The following GRPEL1 variants were observed in gnomAD, a reference collection of about 807,000 sequenced individuals.
GRPEL1 encodes grpE protein homolog 1, mitochondrial.
GRPEL1 carries 13 observed loss-of-function variants against 22.1 expected under a neutral mutation model. The ratio of observed to expected loss-of-function variants is 0.59; its 90% CI spans 0.38 to 0.94. The LOEUF (loss-of-function observed/expected upper bound fraction) is 0.94. Among genes scored for constraint, GRPEL1 ranks in the 40% least tolerant of loss-of-function variants. The probability of loss-of-function intolerance (pLI) is 0.00; values close to 1 mark genes in which losing one functional copy is unlikely to be tolerated. For missense variants in GRPEL1, 289 were observed against 264.6 expected (o/e 1.09, Z -0.64); for synonymous variants, 109 against 105.3 (o/e 1.03, Z -0.21).
intron 3 of GRPEL1, chr4:7,061,452 G>A (rs954966039): frequency 1.1e-5 from 5 of 464,694 alleles, no homozygotes; most frequent in African/African-American, 7.9e-5. Flanking sequence ...TGCAGTAGAG[G>A]GGAAAATACC....
At chr4:7,067,639 A>G in intron 1 of GRPEL1, 1 of 396,542 alleles carries the variant, frequency 2.5e-6, no homozygotes, top group Non-Finnish European at 4.5e-6. Context: ...GAGCGCCGAG[A>G]CCGTGAATGC....
intron 3 of GRPEL1, chr4:7,061,516 A>T (rs1344888567): frequency 3.3e-6 from 1 of 304,086 alleles, no homozygotes; most frequent in Non-Finnish European, 6.2e-6. Context: ...AGGGGACTGG[A>T]ACTCGGAAGA....
intron 1 of GRPEL1, among the ~76,000 whole-genome samples, chr4:7,065,043 A>G (rs954643968): frequency 2.0e-5 from 3 of 152,064 alleles, no homozygotes; most frequent in African/African-American, 7.2e-5. Context: ...AACAGTACTA[A>G]CCTCCTCTTT....
At chr4:7,066,558 A>AT (rs1724174007) in intron 1 of GRPEL1, among the ~76,000 whole-genome samples, 1 of 152,196 alleles carries the variant, frequency 6.6e-6, no homozygotes, top group African/African-American at 2.4e-5. Flanking sequence ...ACCATTTTAT[A>AT]TTTTTACTCT....
Position 7,068,034 on chromosome 4 carries a change from A to ACTGCC in GRPEL1, c.-7_-3dup. 6.2e-7 allele frequency: 1 copy of ACTGCC among 1,612,488 alleles called. No homozygotes were observed. The highest frequency in any genetic ancestry group is 2.2e-5 in the East Asian group (1 of 44,866). On this transcript the variant is annotated 5_prime_UTR_variant, in exon 1 of 4. Transcript: ENST00000264954. ...CAACCTCACGCACTGAGCCGCCATGACTGCCACTGCCCGTCGCAGTCGCCG... is the reference window on the plus strand; with the variant it reads ...CAACCTCACGCACTGAGCCGCCATGACTGCCCTGCCACTGCCCGTCGCAGTCGCCG...
Position 7,059,049 on chromosome 4 carries a change from T to G in GRPEL1, c.*1813A>C, listed in dbSNP as rs1344849516. On this transcript the variant is annotated 3_prime_UTR_variant, in exon 4 of 4. Transcript: ENST00000264954. ...CATATAGCCTAGGTGTGGAGGAGGC[T>G]CCACCACCTGTTTTTTAGGTCCATG... is the stretch of plus-strand genomic sequence containing the variant. 4 of 152,214 alleles carry G rather than the reference T, an allele frequency of 2.6e-5. No individual in the cohort carries two copies. In the East Asian group the frequency reaches 5.8e-4, roughly 22 times the overall value. 9.4% of individuals were successfully genotyped at this position (152,214 alleles called of 1,614,324 possible). A position where few individuals can be genotyped will look rare whatever the true frequency, so the allele number is the denominator to read the frequency against.
In GRPEL1 at chr4:7,060,981, A is replaced by C. The variant is rs749782445; in HGVS notation, c.535T>G (p.Phe179Val). The change falls in exon 4 of 4, where the codon TTC (phenylalanine) becomes GTC (valine). Residue 179 changes from phenylalanine to valine, a missense_variant. By Grantham distance (50) the Phe-to-Val change is conservative. Coordinates refer to ENST00000264954, the MANE Select transcript of GRPEL1 (RefSeq NM_025196.4). ...KFDPYEHEAL[F>V]HTPVEGKEPG... is the part of the protein sequence containing the mutation. ...TCCTTCCCCTCAACCGGTGTGTGGA[A>C]CAAGGCCTCATGTTCATAAGGGTCG... is the stretch of plus-strand genomic sequence containing the variant. The C allele has an allele frequency of 2.5e-6, 4 of 1,614,188 alleles. No homozygotes were observed. The highest frequency in any genetic ancestry group is 3.4e-6 in the Non-Finnish European group (4 of 1,180,030).
At chr4:7,066,543 C>T (rs1577222878) in intron 1 of GRPEL1, among the ~76,000 whole-genome samples, 1 of 152,234 alleles carries the variant, frequency 6.6e-6, no homozygotes, top group South Asian at 2.1e-4. Flanking sequence ...GGGTGGAGAG[C>T]GATGACCATT....
At chr4:7,063,896 A>C (rs1471870526) in intron 2 of GRPEL1, among the ~76,000 whole-genome samples, 165 bp downstream of exon 2, 6 of 152,250 alleles carry the variant, frequency 3.9e-5, no homozygotes, top group Non-Finnish European at 1.5e-5. Context: ...TTTGGGTTTT[A>C]GTCTTTGCTT....
Position 7,066,162 on chromosome 4 carries a change from A to G in GRPEL1, c.62+1809T>C, listed in dbSNP as rs146147831. On this transcript the variant is annotated intron_variant, in intron 1 of 3. Transcript: ENST00000264954. ...ACAGTCCTATCTGAGAATAAGCTAC[A>G]TTCAATTTTCTTCCCAGATTAAAAC... Among the ~76,000 whole-genome samples the G allele has an allele frequency of 3.0e-3, 460 of 152,338 alleles. 2 individuals carry two copies. The highest frequency in any genetic ancestry group is 9.5e-3 in the African/African-American group (395 of 41,570).
At position 7,061,150 on chromosome 4, in the gene GRPEL1, T is replaced by C; in HGVS notation, c.366A>G (p.Thr122=). Residue 122 remains threonine (T), a synonymous_variant, in exon 4 of 4, where the codon ACA becomes ACG. Coordinates refer to ENST00000264954, the MANE Select transcript of GRPEL1 (RefSeq NM_025196.4). ...TAATTTCTTCTTTTGGAACACACTG[T>C]GTTGCCTTCTCCAGAACGTCTGCCA... ...LEVADVLEKA[T]QCVPKEEIKD... is the part of the protein sequence containing the mutation. 6.2e-7 allele frequency: 1 copy of C among 1,614,164 alleles called. No homozygotes were observed. The highest frequency in any genetic ancestry group is 1.7e-5 in the Admixed American group (1 of 60,016).
intron 1 of GRPEL1, among the ~76,000 whole-genome samples, chr4:7,066,660 A>G (rs1724176553): frequency 1.3e-5 from 2 of 152,198 alleles, no homozygotes; most frequent in Admixed American, 1.3e-4. Flanking sequence ...TGGGGGTGTG[A>G]CAGCCACCAG....
chr4:7,062,146 G>T (rs887253672), intron 3 of GRPEL1: 5 of 273,276 alleles, frequency 1.8e-5, no homozygotes, highest in Non-Finnish European at 3.4e-5. Flanking sequence ...TCCCACCAAG[G>T]TCTCTGCGTG....
chr4:7,060,809 G>A lies in GRPEL1; in HGVS notation c.*53C>T. On this transcript the variant is annotated 3_prime_UTR_variant, in exon 4 of 4. Coordinates refer to ENST00000264954, the MANE Select transcript of GRPEL1 (RefSeq NM_025196.4). ...CTCATAGATGAGAAACAATGAACCA[G>A]CCTTGAGAGTTACATCAAGTGAGTT... 1 of 1,450,938 alleles carries A rather than the reference G, an allele frequency of 6.9e-7. No individual in the cohort carries two copies. Among genetic ancestry groups the A allele is most frequent in the Admixed American group, 1.9e-5 (1 of 51,770 alleles). 89.9% of individuals were successfully genotyped at this position (1,450,938 alleles called of 1,614,324 possible).
rs1220063554 is a variant in GRPEL1 at position 7,058,923 on chromosome 4, CTATGT to C, written c.*1934_*1938del. 2 of 152,192 alleles carry C rather than the reference CTATGT, an allele frequency of 1.3e-5. No individual in the cohort carries two copies. The highest frequency in any genetic ancestry group is 2.9e-5 in the Non-Finnish European group (2 of 68,032). The allele number at this position is 152,192 out of a possible 1,614,324, so 9.4% of individuals were successfully genotyped here. A position where few individuals can be genotyped will look rare whatever the true frequency, so the allele number is the denominator to read the frequency against. On this transcript the variant is annotated 3_prime_UTR_variant, in exon 4 of 4. Coordinates refer to ENST00000264954, the MANE Select transcript of GRPEL1 (RefSeq NM_025196.4). ...GAACACAGTTTGCACTGTACCTTTA[CTATGT>C]TATGTTCAGATACACAGATACCATT...
At chr4:7,064,965 A>G (rs1724132048) in intron 1 of GRPEL1, among the ~76,000 whole-genome samples, 1 of 152,278 alleles carries the variant, frequency 6.6e-6, no homozygotes, top group Non-Finnish European at 1.5e-5. Context: ...TGTCTTTTTT[A>G]TAAGATCTTC....
chr4:7,063,362 A>G (rs73075847), intron 2 of GRPEL1, among the ~76,000 whole-genome samples: 53 of 152,234 alleles, frequency 3.5e-4, no homozygotes, highest in African/African-American at 1.1e-3. Context: ...GTGCTATCAG[A>G]GGGGTAAGCC....
rs543204857 is a variant in GRPEL1, at chr4:7,068,017, C to T, written c.16G>A (p.Val6Met). 2 of 1,612,432 alleles carry T rather than the reference C, an allele frequency of 1.2e-6. No homozygotes were observed. Among genetic ancestry groups the T allele is most frequent in the Non-Finnish European group, 1.7e-6 (2 of 1,179,732 alleles). MAAQC[V>M]RLARRSLPAL... ...GGAAGACTGCGCCGCGCCAACCTCA[C>T]GCACTGAGCCGCCATGACTGCCACT... The change falls in exon 1 of 4, where the codon GTG becomes ATG. Residue 6 changes from valine to methionine, a missense_variant. Physicochemically the swap from Val to Met is conservative, Grantham distance 21 (BLOSUM62 1). Coordinates refer to ENST00000264954, the MANE Select transcript of GRPEL1 (RefSeq NM_025196.4).
At chr4:7,064,819 C>T (rs1232955550) in intron 1 of GRPEL1, among the ~76,000 whole-genome samples, 2 of 152,086 alleles carry the variant, frequency 1.3e-5, no homozygotes, top group African/African-American at 4.8e-5. Flanking sequence ...TTTTTAGAGA[C>T]AGGGTTTCGC....
Sources: gnomAD v4.1 joint callset for allele counts (sites outside exome capture counted in the v4.1 genomes callset) on GRCh38, gnomAD v4.1.1 for gene constraint, MANE v1.5 for transcripts, NCBI Gene and HGNC (gene_info 2026-07-23, HGNC 2026-07-21) for gene names.